Variants in C1orf141 observed in about 807,000 individuals in gnomAD.
C1orf141 encodes uncharacterized protein C1orf141.
Under a neutral mutation model 23.2 loss-of-function variants are expected in C1orf141, and 19 were observed. The observed-to-expected ratio is 0.82, with a 90% CI of 0.57 to 1.20. The LOEUF is 1.20. Ranked by LOEUF, C1orf141 falls within the 50% of genes most tolerant of loss-of-function variation. The pLI is 0.00. For synonymous variants in C1orf141, 153 were observed against 154.6 expected, an observed-to-expected ratio of 0.99 and a Z score of 0.08; for missense variants, 469 against 455.1, an observed-to-expected ratio of 1.03 and a Z score of -0.28.
intron 4 of C1orf141, among the ~76,000 whole-genome samples, chr1:67,118,606 T>C (rs1470868622): frequency 6.6e-6 from 1 of 152,162 alleles, no homozygotes; most frequent in Non-Finnish European, 1.5e-5. Context: ...GGACTGAATG[T>C]TTGTATCCCC....
intron 5 of C1orf141, among the ~76,000 whole-genome samples, chr1:67,096,644 G>A (rs561034063): frequency 2.0e-5 from 3 of 152,242 alleles, no homozygotes; most frequent in South Asian, 4.2e-4. Flanking sequence ...AGCTTCAGAC[G>A]GTTATCACTT....
chr1:67,096,541 A>G (rs1185065491), intron 5 of C1orf141, among the ~76,000 whole-genome samples: 2 of 152,246 alleles, frequency 1.3e-5, no homozygotes, highest in African/African-American at 4.8e-5. Flanking sequence ...CAGATCAAAC[A>G]TAAAAGTGGT....
chr1:67,130,755 A>T (rs1450729881), intron 2 of C1orf141, among the ~76,000 whole-genome samples: 2 of 152,234 alleles, frequency 1.3e-5, no homozygotes, highest in Non-Finnish European at 1.5e-5. Context: ...TTTTATGAAT[A>T]CTAAATTTGC....
At chr1:67,131,108 C>T (rs1030084820) in intron 2 of C1orf141, 34 bp downstream of exon 2, 8 of 152,104 alleles carry the variant, frequency 5.3e-5, no homozygotes, top group South Asian at 2.1e-4. Flanking sequence ...TGAATCAAGA[C>T]GATATTAAAT....
Position 67,141,022 on chromosome 1 carries a change from C to G in C1orf141, c.-103-9795G>C, listed in dbSNP as rs139232143. Among the ~76,000 whole-genome samples, 683 of 152,124 alleles carry G rather than the reference C, an allele frequency of 4.5e-3. 3 individuals carry two copies. The highest frequency in any genetic ancestry group is 0.015 in the African/African-American group (640 of 41,482). On this transcript the variant is annotated intron_variant, in intron 1 of 7. Coordinates refer to the C1orf141 transcript ENST00000371007. ...TAGATTTTCTTGTCAAAATTTTTGT[C>G]TAGCCATAGGATGATAAATATGATG... is the stretch of plus-strand genomic sequence containing the variant.
Position 67,105,265 on chromosome 1 carries a change from G to A in C1orf141, c.347-8944C>T, listed in dbSNP as rs186148394. Among the ~76,000 whole-genome samples the A allele has an allele frequency of 1.3e-3, 186 of 145,554 alleles. 4 individuals carry two copies. In the East Asian group the frequency reaches 0.02, roughly 15 times the overall value. On this transcript the variant is annotated intron_variant, in intron 5 of 7. Coordinates refer to ENST00000684719, the MANE Select transcript of C1orf141 (RefSeq NM_001276351.2). ...TGCTGGAATCTGGGAGGCAGAGGTT[G>A]CATTGCACTGAGATCAAGCCACTGC...
At position 67,093,454 on chromosome 1, in the gene C1orf141, C is replaced by A. The variant is rs868866615; in HGVS notation, c.754G>T (p.Glu252Ter). ...RTNFILERNC[E>*]ILKSIIGNQS... is the part of the protein sequence containing the mutation. ...TTGCCAATTATAGATTTGAGGATTTCACAATTTCTTTCTAAAATGAAATTT... is the reference window on the plus strand; with the variant it reads ...TTGCCAATTATAGATTTGAGGATTTAACAATTTCTTTCTAAAATGAAATTT... Residue 252 changes from glutamate (E) to a stop codon, truncating the protein, a stop_gained, in exon 8 of 8, where the codon GAA becomes TAA. Coordinates refer to ENST00000684719, the MANE Select transcript of C1orf141 (RefSeq NM_001276351.2). LOFTEE classifies it low-confidence loss of function (END_TRUNC). 1.2e-5 allele frequency: 20 copies of A among 1,610,712 alleles called. No homozygotes were observed. Among genetic ancestry groups the A allele is most frequent in the Non-Finnish European group, 1.7e-5 (20 of 1,177,706 alleles).
At position 67,113,818 on chromosome 1, in the gene C1orf141, T is replaced by C. The variant is rs897885082; in HGVS notation, c.346+1534A>G. ...TTTGCTACCATTATGGAAGGCCAGG[T>C]GATTAGTAACAGCCCTCCTGCTGAA... On this transcript the variant is annotated intron_variant, in intron 5 of 7. Coordinates refer to ENST00000684719, the MANE Select transcript of C1orf141 (RefSeq NM_001276351.2). 4.6e-6 allele frequency: 3 copies of C among 657,608 alleles called. No homozygotes were observed. In the African/African-American group the frequency reaches 5.6e-5, roughly 12 times the overall value. 40.7% of individuals were successfully genotyped at this position (657,608 alleles called of 1,614,324 possible).
intron 2 of C1orf141, among the ~76,000 whole-genome samples, chr1:67,130,020 C>A (rs1368949890): frequency 6.6e-6 from 1 of 152,162 alleles, no homozygotes; most frequent in African/African-American, 2.4e-5. Flanking sequence ...AGGGTAAAGG[C>A]ATTAGCATAA....
chr1:67,125,499 A>T (rs1646388257), intron 4 of C1orf141, among the ~76,000 whole-genome samples: 1 of 152,168 alleles, frequency 6.6e-6, no homozygotes, highest in South Asian at 2.1e-4. Context: ...GAAGTTCAAG[A>T]CCAGCCTGGG....
At chr1:67,125,708 A>G in intron 4 of C1orf141, 44 bp downstream of exon 4, 1 of 1,583,346 alleles carries the variant, frequency 6.3e-7, no homozygotes, top group Non-Finnish European at 8.7e-7. Context: ...ACAAACAAAC[A>G]AACAAATTCT....
At chr1:67,107,663 T>C (rs1467227844) in intron 5 of C1orf141, among the ~76,000 whole-genome samples, 2 of 151,842 alleles carry the variant, frequency 1.3e-5, no homozygotes, top group Non-Finnish European at 2.9e-5. Context: ...CTGAGGTGAG[T>C]GGATCACCTG....
At chr1:67,100,266 T>G (rs1395781885) in intron 5 of C1orf141, among the ~76,000 whole-genome samples, 4 of 152,196 alleles carry the variant, frequency 2.6e-5, no homozygotes, top group African/African-American at 9.7e-5. Context: ...CAAAATACTA[T>G]CTTGTCTAAT....
At chr1:67,139,894 G>A (rs1248154383), upstream of C1orf141, among the ~76,000 whole-genome samples, 1 of 152,130 alleles carries the variant, frequency 6.6e-6, no homozygotes, top group Non-Finnish European at 1.5e-5. Context: ...CTTATGAATG[G>A]ATTAATGAAT....
intron 4 of C1orf141, among the ~76,000 whole-genome samples, chr1:67,116,186 C>A (rs1570712390): frequency 1.3e-5 from 2 of 152,272 alleles, no homozygotes; most frequent in African/African-American, 2.4e-5. Context: ...TATTCAAAAC[C>A]AAATTATTGA....
At position 67,093,365 on chromosome 1, in the gene C1orf141, C is replaced by A; in HGVS notation, c.843G>T (p.Gln281His). The change falls in exon 8 of 8, where the codon CAG becomes CAT. Residue 281 changes from glutamine to histidine, a missense_variant. Gln to His is a conservative substitution (Grantham distance 24, BLOSUM62 0). This residue lies in a region of C1orf141 where 370 missense variants were observed against 348.1 expected (regional missense o/e 1.06). Coordinates refer to ENST00000684719, the MANE Select transcript of C1orf141 (RefSeq NM_001276351.2). The part of the protein sequence containing the change: ...TMPTVQRKDI[Q>H]IPMSFKAGHT... ...GGCCCGCTTTAAAAGACATAGGGAT[C>A]TGTATATCTTTTCTCTGTACTGTAG... 1 of 1,613,734 alleles carries A rather than the reference C, an allele frequency of 6.2e-7. No homozygotes were observed. The highest frequency in any genetic ancestry group is 8.5e-7 in the Non-Finnish European group (1 of 1,179,842).
intron 4 of C1orf141, among the ~76,000 whole-genome samples, chr1:67,115,816 T>A (rs1646182888): frequency 6.6e-6 from 1 of 152,202 alleles, no homozygotes. Context: ...TGGTGGGACA[T>A]AGAGTTAGGG....
chr1:67,140,061 C>T (rs1278831886), intron 1 of C1orf141, among the ~76,000 whole-genome samples: 7 of 152,192 alleles, frequency 4.6e-5, no homozygotes, highest in Non-Finnish European at 1.0e-4. Context: ...CAAGAAGTCC[C>T]TCACCAGATG....
intron 5 of C1orf141, among the ~76,000 whole-genome samples, chr1:67,108,682 C>T (rs893985687): frequency 2.6e-5 from 4 of 152,018 alleles, no homozygotes; most frequent in Admixed American, 6.6e-5. Context: ...GAGCAGAAAT[C>T]GTGCCACTGC....
Sources: allele counts gnomAD v4.1 joint callset (sites outside exome capture counted in the v4.1 genomes callset), GRCh38; gene constraint gnomAD v4.1.1; regional missense constraint gnomAD v4.1.1; transcripts MANE v1.5; gene names NCBI Gene and HGNC (gene_info 2026-07-23, HGNC 2026-07-21).